Variants in MAPKBP1 observed in about 807,000 individuals in gnomAD.
The protein encoded by MAPKBP1 is mitogen-activated protein kinase binding protein 1, also known as mitogen-activated protein kinase-binding protein 1.
Under a neutral mutation model 170.5 loss-of-function variants are expected in MAPKBP1, and 71 were observed. That is an observed-to-expected ratio of 0.42 (90% confidence interval 0.34 to 0.51). The LOEUF (loss-of-function observed/expected upper bound fraction) is 0.51. Among genes scored for constraint, MAPKBP1 ranks in the 20% least tolerant of loss-of-function variants. MAPKBP1 has a pLI of 0.06. For missense variants in MAPKBP1, 1,598 were observed against 1,933.0 expected, an observed-to-expected ratio of 0.83 and a Z score of 3.25; for synonymous variants, 719 against 757.9, an observed-to-expected ratio of 0.95 and a Z score of 0.84.
intron 9 of MAPKBP1, 86 bp downstream of exon 9, chr15:41,813,867 A>C: frequency 2.8e-6 from 4 of 1,424,336 alleles, no homozygotes; most frequent in Non-Finnish European, 3.8e-6. Flanking sequence ...GCAGGTGAAG[A>C]GTGTATTGAT....
intron 30 of MAPKBP1, 146 bp downstream of exon 30, chr15:41,824,715 G>T: frequency 2.5e-6 from 2 of 810,968 alleles, no homozygotes; most frequent in African/African-American, 1.7e-5. Context: ...TAGGTGAGGG[G>T]GTTAGAGGCC....
At chr15:41,823,246 G>A in intron 28 of MAPKBP1, 24 bp downstream of exon 28, 19 of 1,607,502 alleles carry the variant, frequency 1.2e-5, no homozygotes, top group Non-Finnish European at 1.6e-5. Flanking sequence ...TGGGTTCAGT[G>A]CCAGGGTGCA....
In MAPKBP1 at chr15:41,812,126, A is replaced by T. The variant is rs1180642502; in HGVS notation, c.497A>T (p.Lys166Met). 1 of 1,613,970 alleles carries T rather than the reference A, an allele frequency of 6.2e-7. No homozygotes were observed. Among genetic ancestry groups the T allele is most frequent in the Non-Finnish European group, 8.5e-7 (1 of 1,180,016 alleles). ...HDMIVNVWAW[K>M]KNIVVASNKV... is the part of the protein sequence containing the mutation. ...ATGATCGTCAACGTGTGGGCCTGGAAGGTGAGTGGCTGGGTGGGGTGGCCT... is the reference window on the plus strand; with the variant it reads ...ATGATCGTCAACGTGTGGGCCTGGATGGTGAGTGGCTGGGTGGGGTGGCCT... The change falls in exon 6 of 31, where the codon AAG becomes ATG. Residue 166 changes from lysine to methionine, a missense_variant and splice_region_variant. Physicochemically the swap from Lys to Met is moderately conservative, Grantham distance 95. This residue lies in a region of MAPKBP1 where 11 missense variants were observed against 39.6 expected (regional missense o/e 0.28). Transcript: ENST00000457542.
At chr15:41,801,866 C>T (rs1326424680) in intron 3 of MAPKBP1, among the ~76,000 whole-genome samples, 1 of 151,938 alleles carries the variant, frequency 6.6e-6, no homozygotes, top group African/African-American at 2.4e-5. Context: ...AAACAAGCCA[C>T]CACCAAAAAA....
At chr15:41,790,083 A>G (rs2064368422) in intron 2 of MAPKBP1, among the ~76,000 whole-genome samples, 1 of 152,210 alleles carries the variant, frequency 6.6e-6, no homozygotes, top group African/African-American at 2.4e-5. Context: ...GTATTAAATG[A>G]GATGATCTGT....
At chr15:41,822,758 C>T (rs1204368322) in intron 27 of MAPKBP1, 81 bp downstream of exon 27, 4 of 1,545,314 alleles carry the variant, frequency 2.6e-6, no homozygotes, top group Non-Finnish European at 3.6e-6. Flanking sequence ...CTCCAGTGTT[C>T]TGTCTCTCCA....
At chr15:41,819,547 C>CGGGCG (rs1555454019) in intron 21 of MAPKBP1, 48 bp from the exon 22 acceptor site, 9 of 1,228,196 alleles carry the variant, frequency 7.3e-6, no homozygotes, top group Admixed American at 2.1e-5. Flanking sequence ...GGTTGGGTGG[C>CGGGCG]GGGGGGGGGG....
Position 41,812,065 on chromosome 15 carries a change from G to T in MAPKBP1, c.436G>T (p.Ala146Ser), listed in dbSNP as rs759447759. 3 of 1,614,082 alleles carry T rather than the reference G, an allele frequency of 1.9e-6. No individual in the cohort carries two copies. The Admixed American group carries it at 5.0e-5, about 27-fold the overall frequency. ...GVACVAFSPS[A>S]KYIVSVGYQH... ...GGCTTGTGTGGCCTTCTCTCCTAGC[G>T]CCAAGTACATTGTCTCTGTGGGCTA... The change falls in exon 6 of 31, where the codon GCC becomes TCC. Residue 146 changes from alanine to serine, a missense_variant. By Grantham distance (99) the Ala-to-Ser change is moderately conservative. Around this residue, in one of 6 missense-constraint regions of MAPKBP1, gnomAD observed 151 missense variants for 191.4 expected, o/e 0.79. Coordinates refer to ENST00000457542, the MANE Select transcript of MAPKBP1 (RefSeq NM_014994.3).
intron 2 of MAPKBP1, among the ~76,000 whole-genome samples, chr15:41,780,530 A>C (rs1202730102): frequency 6.6e-6 from 1 of 152,208 alleles, no homozygotes; most frequent in Non-Finnish European, 1.5e-5. Context: ...GTTGTTAAAG[A>C]AATAAAGCTA....
chr15:41,814,495 G>A, intron 9 of MAPKBP1, 55 bp from the exon 10 acceptor site: 1 of 1,546,966 alleles, frequency 6.5e-7, no homozygotes, highest in South Asian at 1.2e-5. Context: ...TTGTGGATTG[G>A]CTTCTCTTTT....
chr15:41,790,779 T>G (rs1259766328), intron 2 of MAPKBP1, among the ~76,000 whole-genome samples: 1 of 152,188 alleles, frequency 6.6e-6, no homozygotes, highest in Non-Finnish European at 1.5e-5. Flanking sequence ...CAGCTGGCCA[T>G]TGTGCCCCTG....
intron 2 of MAPKBP1, among the ~76,000 whole-genome samples, chr15:41,782,343 T>C (rs1393303731): frequency 6.6e-6 from 1 of 151,016 alleles, no homozygotes; most frequent in East Asian, 1.9e-4. Context: ...TAATGATAAA[T>C]GATTTCCCCG....
At chr15:41,815,101 T>A (rs897008526) in intron 10 of MAPKBP1, among the ~76,000 whole-genome samples, 158 bp from the exon 11 acceptor site, 1 of 152,318 alleles carries the variant, frequency 6.6e-6, no homozygotes, top group East Asian at 1.9e-4. Context: ...CCCTTGGTCA[T>A]GTTGAAGGGT....
Position 41,779,064 on chromosome 15 carries a change from T to C in MAPKBP1, c.114+3675T>C, listed in dbSNP as rs1423800424. 2.6e-5 allele frequency among the ~76,000 whole-genome samples: 4 copies of C among 152,322 alleles called. No individual in the cohort carries two copies. The East Asian group carries it at 7.7e-4, about 29-fold the overall frequency. ...TGTTTCCCCAAGTTTTTTTCCTGTA[T>C]AGTTGTGTGGTGGTACTTCGAGCCT... On this transcript the variant is annotated intron_variant, in intron 2 of 30. Coordinates refer to ENST00000457542, the MANE Select transcript of MAPKBP1 (RefSeq NM_014994.3).
intron 3 of MAPKBP1, among the ~76,000 whole-genome samples, chr15:41,807,812 T>C (rs985585881): frequency 2.0e-5 from 3 of 152,024 alleles, no homozygotes; most frequent in Non-Finnish European, 2.9e-5. Context: ...CCAAGGTGGG[T>C]GGATCACCTG....
intron 11 of MAPKBP1, 80 bp from the exon 12 acceptor site, chr15:41,815,544 T>G (rs1029875644): frequency 2.0e-5 from 31 of 1,555,288 alleles, no homozygotes; most frequent in Admixed American, 7.1e-5. Context: ...TCCAAGGGTT[T>G]GTTTTGCTCA....
intron 28 of MAPKBP1, 64 bp from the exon 29 acceptor site, chr15:41,823,383 G>A: frequency 6.4e-7 from 1 of 1,560,686 alleles, no homozygotes; most frequent in Admixed American, 1.8e-5. Flanking sequence ...TTCGGGATTG[G>A]GTGTTGGCAC....
In MAPKBP1 at chr15:41,821,586, T is replaced by C; in HGVS notation, c.2721T>C (p.Asn907=). The C allele has an allele frequency of 6.2e-7, 1 of 1,613,308 alleles. No homozygotes were observed. Among genetic ancestry groups the C allele is most frequent in the Non-Finnish European group, 8.5e-7 (1 of 1,179,760 alleles). ...AACATCCCTTTGTGTGTTCCCAGAA[T>C]GAAAAGCCCCCTCGGCCTCAGGCTT... ...EALETSLTSQ[N]EKPPRPQASQ... The change falls in exon 24 of 31, where the codon AAT becomes AAC. Residue 907 remains asparagine, a splice_region_variant and synonymous_variant. Transcript: ENST00000457542.
intron 2 of MAPKBP1, among the ~76,000 whole-genome samples, chr15:41,795,425 A>AGGGG (rs1244881497): frequency 2.5e-4 from 38 of 151,936 alleles, no homozygotes; most frequent in African/African-American, 9.2e-4. Context: ...GAGTGAGTGA[A>AGGGG]GGGGAGGGTG....
Sources: gnomAD v4.1 joint callset for allele counts (sites outside exome capture counted in the v4.1 genomes callset) on GRCh38, gnomAD v4.1.1 for gene constraint, gnomAD v4.1.1 regional missense constraint, MANE v1.5 for transcripts, NCBI Gene and HGNC (gene_info 2026-07-23, HGNC 2026-07-21) for gene names.